GCHFR: variants seen among roughly 807,000 people sequenced by gnomAD.
GCHFR encodes GTP cyclohydrolase I feedback regulator, also known as GTP cyclohydrolase 1 feedback regulatory protein.
GCHFR carries 12 observed loss-of-function variants against 10.6 expected under a neutral mutation model. The observed-to-expected ratio is 1.13, with a 90% CI of 0.72 to 1.83. GCHFR has a LOEUF of 1.83. Among genes scored for constraint, GCHFR ranks in the 40% most tolerant of loss-of-function variants. The pLI is 0.00. For missense variants in GCHFR, 116 were observed against 110.6 expected (o/e 1.05, Z -0.22); for synonymous variants, 54 against 43.7 (o/e 1.24, Z -0.93).
intron 1 of GCHFR, chr15:40,765,208 A>G (rs1888922992): frequency 6.6e-6 from 1 of 152,220 alleles, no homozygotes. Context: ...CATACCATAA[A>G]TTCTTTGATT....
Position 40,764,177 on chromosome 15 carries a change from C to G in GCHFR, c.-4C>G. 3.2e-6 allele frequency: 5 copies of G among 1,553,728 alleles called. No homozygotes were observed. Among genetic ancestry groups the G allele is most frequent in the Non-Finnish European group, 4.3e-6 (5 of 1,150,052 alleles). On this transcript the variant is annotated 5_prime_UTR_variant, in exon 1 of 3. Coordinates refer to ENST00000260447, the MANE Select transcript of GCHFR (RefSeq NM_005258.3). ...GGTGGGAGCCAGGCCGGGACGCGTG[C>G]ACCATGCCCTACCTGCTCATCAGCA...
chr15:40,765,934 C>T lies in GCHFR; in HGVS notation c.131+13C>T. On this transcript the variant is annotated intron_variant, in intron 2 of 2. Coordinates refer to ENST00000260447, the MANE Select transcript of GCHFR (RefSeq NM_005258.3). The stretch of plus-strand genomic sequence containing the variant: ...TGGGAAACAACTTGTAAGTAGCAGC[C>T]TCCCTCAGTATCCTCTCCCTGCCAG... 1 of 1,428,130 alleles carries T rather than the reference C, an allele frequency of 7.0e-7. No homozygotes were observed. The highest frequency in any genetic ancestry group is 1.2e-5 in the South Asian group (1 of 82,294). The allele number at this position is 1,428,130 out of a possible 1,614,324, so 88.5% of individuals were successfully genotyped here. A position where few individuals can be genotyped will look rare whatever the true frequency, so the allele number is the denominator to read the frequency against.
At position 40,767,660 on chromosome 15, in the gene GCHFR, C is replaced by T. The variant is rs111641803; in HGVS notation, c.*311C>T. On this transcript the variant is annotated 3_prime_UTR_variant, in exon 3 of 3. Coordinates refer to ENST00000260447, the MANE Select transcript of GCHFR (RefSeq NM_005258.3). ...GCTGGGCACTCCAGCGGCCCTGGCGCGTGGCTCCTGCATAGCTAGCCCAAG... is the reference window on the plus strand; with the variant it reads ...GCTGGGCACTCCAGCGGCCCTGGCGTGTGGCTCCTGCATAGCTAGCCCAAG... 5,192 of 586,148 alleles carry T rather than the reference C, an allele frequency of 8.9e-3. 31 individuals are homozygous for T. The highest frequency in any genetic ancestry group is 0.028 in the Middle Eastern group (62 of 2,200). The allele number at this position is 586,148 out of a possible 1,614,324, so 36.3% of individuals were successfully genotyped here.
chr15:40,767,704 G>C lies in GCHFR; in HGVS notation c.*355G>C. ...GCCCAAGCCAATAAAGGGCTGTGAT[G>C]AGTGGCTGCGCCTGTGCTCTGCTTG... On this transcript the variant is annotated 3_prime_UTR_variant, in exon 3 of 3. Coordinates refer to ENST00000260447, the MANE Select transcript of GCHFR (RefSeq NM_005258.3). 1.6e-6 allele frequency: 1 copy of C among 634,612 alleles called. No homozygotes were observed. Among genetic ancestry groups the C allele is most frequent in the Non-Finnish European group, 2.6e-6 (1 of 383,200 alleles). 39.3% of individuals were successfully genotyped at this position (634,612 alleles called of 1,614,324 possible).
chr15:40,764,773 C>A (rs951894018), intron 1 of GCHFR, among the ~76,000 whole-genome samples: 2 of 152,126 alleles, frequency 1.3e-5, no homozygotes, highest in Non-Finnish European at 2.9e-5. Context: ...AAAAGGAAGG[C>A]GAGAAGGGGC....
intron 1 of GCHFR, chr15:40,764,447 T>C: frequency 2.1e-6 from 1 of 475,556 alleles, no homozygotes; most frequent in Non-Finnish European, 3.7e-6. Context: ...GGGGCCCGGG[T>C]ACGTGCGTCC....
Position 40,764,157 on chromosome 15 carries a change from G to C in GCHFR, c.-24G>C. 3 of 1,545,170 alleles carry C rather than the reference G, an allele frequency of 1.9e-6. No individual in the cohort carries two copies. The South Asian group carries it at 3.6e-5, about 18-fold the overall frequency. On this transcript the variant is annotated 5_prime_UTR_variant, in exon 1 of 3. Coordinates refer to ENST00000260447, the MANE Select transcript of GCHFR (RefSeq NM_005258.3). ...GCGTCCAGCCTAGAGCCCCCGGTGG[G>C]AGCCAGGCCGGGACGCGTGCACCAT...
Position 40,767,321 on chromosome 15 carries a change from C to T in GCHFR, c.227C>T (p.Thr76Met), listed in dbSNP as rs759847227. 2 of 1,602,792 alleles carry T rather than the reference C, an allele frequency of 1.2e-6. No individual in the cohort carries two copies. The highest frequency in any genetic ancestry group is 1.7e-6 in the Non-Finnish European group (2 of 1,175,120). The change falls in exon 3 of 3, where the codon ACG (threonine) becomes ATG (methionine). Residue 76 changes from threonine (T) to methionine (M), a missense_variant. Coordinates refer to ENST00000260447, the MANE Select transcript of GCHFR (RefSeq NM_005258.3). ...RVLSMTGVGQ[T>M]LVWCLHKE ...CTGAGCATGACGGGGGTGGGCCAGA[C>T]GCTGGTGTGGTGTCTGCACAAGGAG...
chr15:40,765,601 A>G (rs1888930412), intron 1 of GCHFR: 6 of 351,356 alleles, frequency 1.7e-5, no homozygotes. Context: ...TTGCCTGGCT[A>G]AAGCTGAGCT....
At chr15:40,765,189 T>C (rs1596066888) in intron 1 of GCHFR, 1 of 152,248 alleles carries the variant, frequency 6.6e-6, no homozygotes, top group East Asian at 1.9e-4. Context: ...TTTATTGATA[T>C]GTAATGTGCA....
intron 2 of GCHFR, 66 bp from the exon 3 acceptor site, chr15:40,767,160 C>CACT (rs1888966931): frequency 7.0e-7 from 1 of 1,423,420 alleles, no homozygotes; most frequent in East Asian, 2.7e-5. Context: ...CTGCTGCAGA[C>CACT]ACTAGCTTTG....
In GCHFR at chr15:40,767,306, C is replaced by A; in HGVS notation, c.212C>A (p.Thr71Lys). Residue 71 changes from threonine (T) to lysine (K), a missense_variant, in exon 3 of 3, where the codon ACG becomes AAG. Coordinates refer to ENST00000260447, the MANE Select transcript of GCHFR (RefSeq NM_005258.3). ...ERRGFRVLSM[T>K]GVGQTLVWCL... ...AGGGGCTTCCGTGTGCTGAGCATGA[C>A]GGGGGTGGGCCAGACGCTGGTGTGG... is the stretch of plus-strand genomic sequence containing the variant. 4 of 1,603,804 alleles carry A rather than the reference C, an allele frequency of 2.5e-6. No homozygotes were observed. Among genetic ancestry groups the A allele is most frequent in the Non-Finnish European group, 3.4e-6 (4 of 1,175,606 alleles).
chr15:40,764,373 G>T (rs1485466923), intron 1 of GCHFR, 157 bp downstream of exon 1: 2 of 571,424 alleles, frequency 3.5e-6, no homozygotes, highest in Non-Finnish European at 5.6e-6. Context: ...GTGGAGAAGC[G>T]GGCTCAGCTC....
At position 40,764,187 on chromosome 15, in the gene GCHFR, T is replaced by C. The variant is rs867049752; in HGVS notation, c.7T>C (p.Tyr3His). 1.3e-6 allele frequency: 2 copies of C among 1,557,578 alleles called. No individual in the cohort carries two copies. The highest frequency in any genetic ancestry group is 8.7e-7 in the Non-Finnish European group (1 of 1,151,904). Reference protein sequence around the residue: MPYLLISTQIRME... With the variant: MPHLLISTQIRME... ...AGGCCGGGACGCGTGCACCATGCCC[T>C]ACCTGCTCATCAGCACCCAGATCCG... Residue 3 changes from tyrosine (Y) to histidine (H), a missense_variant, in exon 1 of 3, where the codon TAC becomes CAC. Transcript: ENST00000260447.
At chr15:40,765,624 G>A (rs866504189) in intron 1 of GCHFR, 1 of 382,284 alleles carries the variant, frequency 2.6e-6, no homozygotes, top group African/African-American at 2.1e-5. Context: ...AAGGCACTAG[G>A]GAGGGCGCCT....
chr15:40,766,649 A>G (rs1235186692), intron 2 of GCHFR: 1 of 152,318 alleles, frequency 6.6e-6, no homozygotes, highest in Admixed American at 6.5e-5. Flanking sequence ...GTCTTTCAGC[A>G]TCAATTAAAC....
intron 1 of GCHFR, 163 bp from the exon 2 acceptor site, chr15:40,765,664 C>G (rs1347703158): frequency 7.3e-6 from 3 of 412,120 alleles, no homozygotes; most frequent in African/African-American, 4.1e-5. Context: ...TTGATGGGCT[C>G]CACCCCTTCA....
rs1485864650 is a variant in GCHFR at position 40,765,862 on chromosome 15, G to A, written c.72G>A (p.Ser24=). The change falls in exon 2 of 3, where the codon TCG becomes TCA. Residue 24 remains serine (S), a synonymous_variant. Coordinates refer to ENST00000260447, the MANE Select transcript of GCHFR (RefSeq NM_005258.3). ...VGPTMVGDEQ[S]DPELMQHLGA... ...CCACTATGGTGGGCGATGAACAGTC[G>A]GATCCAGAGCTGATGCAGCATCTGG... 1.1e-5 allele frequency: 17 copies of A among 1,584,712 alleles called. No individual in the cohort carries two copies. Among genetic ancestry groups the A allele is most frequent in the African/African-American group, 2.7e-5 (2 of 74,282 alleles).
chr15:40,767,388 A>AG lies in GCHFR; in HGVS notation c.*43dup, dbSNP rs1346974635. 6.4e-7 allele frequency: 1 copy of AG among 1,569,450 alleles called. No individual in the cohort carries two copies. The highest frequency in any genetic ancestry group is 8.6e-7 in the Non-Finnish European group (1 of 1,159,224). Reference sequence around the variant, plus strand: ...ATTTGCAGACGGGGCACCCCTGTGGAGGGGCTGCTGTGGGCCCTGACCTCC... The same window carrying AG: ...ATTTGCAGACGGGGCACCCCTGTGGAGGGGGCTGCTGTGGGCCCTGACCTCC... On this transcript the variant is annotated 3_prime_UTR_variant, in exon 3 of 3. Transcript: ENST00000260447.
Sources: allele counts gnomAD v4.1 joint callset (sites outside exome capture counted in the v4.1 genomes callset), GRCh38; gene constraint gnomAD v4.1.1; transcripts MANE v1.5; gene names NCBI Gene and HGNC (gene_info 2026-07-23, HGNC 2026-07-21).